Variants in HYDIN observed in about 807,000 individuals in gnomAD.
The protein encoded by HYDIN is HYDIN axonemal central pair apparatus protein, also known as axonemal central pair apparatus protein HYDIN.
HYDIN carries 132 observed loss-of-function variants against 403.9 expected under a neutral mutation model. The observed-to-expected ratio is 0.33, with a 90% CI of 0.28 to 0.38. HYDIN has a LOEUF of 0.38. Among genes scored for constraint, HYDIN ranks in the 10% least tolerant of loss-of-function variants. The pLI is 1.00. For missense variants in HYDIN, 2,827 were observed against 5,009.5 expected (o/e 0.56, Z 13.15); for synonymous variants, 1,202 against 1,891.7 (o/e 0.64, Z 9.46).
At chr16:71,094,024 T>C in intron 10 of HYDIN, 89 bp from the exon 11 acceptor site, 2 of 1,047,772 alleles carry the variant, frequency 1.9e-6, no homozygotes, top group East Asian at 2.5e-5. Context: ...ATATAAATAA[T>C]CAAAATTATT....
chr16:71,153,338 AC>A (rs2144580815), intron 6 of HYDIN, among the ~76,000 whole-genome samples: 1 of 152,204 alleles, frequency 6.6e-6, no homozygotes, highest in South Asian at 2.1e-4. Context: ...GGACAGATGA[AC>A]AGAGGGTCTA....
At chr16:70,843,297 G>GT (rs1299119242) in intron 75 of HYDIN, among the ~76,000 whole-genome samples, 2 of 143,686 alleles carry the variant, frequency 1.4e-5, no homozygotes, top group African/African-American at 5.3e-5. Flanking sequence ...GTGCTGTTTG[G>GT]TTTTTTGTTC....
At chr16:71,000,169 C>T (rs922196185) in intron 23 of HYDIN, among the ~76,000 whole-genome samples, 2 of 152,098 alleles carry the variant, frequency 1.3e-5, no homozygotes, top group African/African-American at 4.8e-5. Flanking sequence ...AACATCACTC[C>T]ATGAACCAAG....
At chr16:71,083,881 AG>A (rs1317285449) in intron 12 of HYDIN, among the ~76,000 whole-genome samples, 8 of 124,834 alleles carry the variant, frequency 6.4e-5, no homozygotes, top group African/African-American at 2.5e-4. Flanking sequence ...ACAGTATTGC[AG>A]TGCTTGTGTC....
intron 17 of HYDIN, 127 bp downstream of exon 17, chr16:71,062,042 A>G (rs2082106479): frequency 8.0e-6 from 6 of 748,982 alleles, no homozygotes; most frequent in Non-Finnish European, 1.1e-5. Flanking sequence ...GAGTAAAAAC[A>G]TAAAACCCTA....
At position 70,837,841 on chromosome 16, in the gene HYDIN, C is replaced by T. The variant is rs200234571; in HGVS notation, c.13091G>A (p.Arg4364His). The change falls in exon 77 of 86, where the codon CGT (arginine) becomes CAT (histidine). Residue 4364 changes from arginine to histidine, a missense_variant. By Grantham distance (29) the Arg-to-His change is conservative. Transcript: ENST00000393567. ...GTTTCCTGGCTTTACCACATCAACA[C>T]GGGAGTTCACCTCGAGGTGAGTGGT... ...TNTTHLEVNS[R>H]VDVVKPGNTL... The T allele has an allele frequency of 3.3e-5, 53 of 1,613,826 alleles. No homozygotes were observed. The highest frequency in any genetic ancestry group is 4.4e-5 in the South Asian group (4 of 91,076).
intron 5 of HYDIN, among the ~76,000 whole-genome samples, chr16:71,165,844 T>C (rs978303150): frequency 4.7e-5 from 7 of 147,948 alleles, no homozygotes; most frequent in African/African-American, 1.8e-4. Flanking sequence ...GGGGGAAGTG[T>C]GATTTGGAAC....
intron 8 of HYDIN, among the ~76,000 whole-genome samples, chr16:71,130,470 G>GTTTT (rs56853905): frequency 3.4e-4 from 26 of 75,828 alleles, no homozygotes; most frequent in Non-Finnish European, 4.4e-4. Context: ...ATATATACCG[G>GTTTT]TTTTTTTTTT....
intron 62 of HYDIN, among the ~76,000 whole-genome samples, chr16:70,876,209 G>A (rs2040440178): frequency 2.0e-5 from 3 of 149,530 alleles, no homozygotes; most frequent in South Asian, 2.1e-4. Context: ...ATTTTGATAC[G>A]GAATCTCACT....
rs368775885 is a variant in HYDIN, at chr16:71,182,977, T to C, written c.261+1888A>G. ...TGAATAAAAGGGTACAAAAAAGAGA[T>C]GCTCACTGTATCAAATGCTATGAGA... On this transcript the variant is annotated intron_variant, in intron 3 of 85. Coordinates refer to ENST00000393567, the MANE Select transcript of HYDIN (RefSeq NM_001270974.2). 5.9e-5 allele frequency among the ~76,000 whole-genome samples: 9 copies of C among 152,220 alleles called. No individual in the cohort carries two copies. In the South Asian group the frequency reaches 1.9e-3, roughly 32 times the overall value.
intron 5 of HYDIN, among the ~76,000 whole-genome samples, chr16:71,170,585 A>G (rs1369819866): frequency 6.6e-6 from 1 of 152,214 alleles, no homozygotes; most frequent in Non-Finnish European, 1.5e-5. Flanking sequence ...CTTTAAAAAA[A>G]AACAAACTTT....
At chr16:70,816,063 T>A (rs2035817451) in intron 84 of HYDIN, among the ~76,000 whole-genome samples, 1 of 152,192 alleles carries the variant, frequency 6.6e-6, no homozygotes, top group South Asian at 2.1e-4. Flanking sequence ...GAGCTGAGAT[T>A]GCGCCACTGC....
At chr16:70,905,632 T>TA (rs10718035) in intron 50 of HYDIN, among the ~76,000 whole-genome samples, 4,353 of 99,476 alleles carry the variant, frequency 0.044, 239 homozygotes, top group Admixed American at 0.2. Flanking sequence ...GACCCTATCT[T>TA]AAAAAAAAAA....
intron 14 of HYDIN, among the ~76,000 whole-genome samples, chr16:71,067,961 C>A (rs187495411): frequency 1.3e-5 from 2 of 152,142 alleles, no homozygotes. Flanking sequence ...CATGGTCAAA[C>A]CATAAACAGA....
At chr16:70,857,038 G>A (rs1270991300) in intron 72 of HYDIN, among the ~76,000 whole-genome samples, 1 of 146,200 alleles carries the variant, frequency 6.8e-6, no homozygotes, top group Non-Finnish European at 1.5e-5. Context: ...GGGGTTATAA[G>A]GGACATGACA....
At chr16:71,019,138 G>A (rs1403116838) in intron 22 of HYDIN, among the ~76,000 whole-genome samples, 1 of 151,166 alleles carries the variant, frequency 6.6e-6, no homozygotes, top group Non-Finnish European at 1.5e-5. Flanking sequence ...CAATCCCTAT[G>A]TGTTCCTTGA....
intron 1 of HYDIN, among the ~76,000 whole-genome samples, chr16:71,197,117 T>G (rs1477125137): frequency 6.6e-6 from 1 of 152,148 alleles, no homozygotes; most frequent in Admixed American, 6.5e-5. Context: ...AAAAACATAT[T>G]GTGGGACTTC....
rs183164278 is a variant in HYDIN at position 70,908,790 on chromosome 16, G to A, written c.8076C>T (p.Phe2692=). The change falls in exon 48 of 86, where the codon TTC becomes TTT. Residue 2692 remains phenylalanine (F), a synonymous_variant. Coordinates refer to ENST00000393567, the MANE Select transcript of HYDIN (RefSeq NM_001270974.2). ...QKMKEKIDQV[F]EIQKDKRHMA... is the part of the protein sequence containing the mutation. Reference sequence around the variant, plus strand: ...TGTGACGCTTGTCTTTCTGAATCTCGAAGACTTGGTCTATCTTTTCTTTCA... The same window carrying A: ...TGTGACGCTTGTCTTTCTGAATCTCAAAGACTTGGTCTATCTTTTCTTTCA... 148 of 1,614,214 alleles carry A rather than the reference G, an allele frequency of 9.2e-5. No homozygotes were observed. Among genetic ancestry groups the A allele is most frequent in the Middle Eastern group, 6.6e-4 (4 of 6,062 alleles).
chr16:70,878,244 C>T (rs1371057500), intron 62 of HYDIN, among the ~76,000 whole-genome samples: 6 of 149,790 alleles, frequency 4.0e-5, no homozygotes, highest in Non-Finnish European at 5.9e-5. Flanking sequence ...ACATGTCTTT[C>T]TCCTCCTTTG....
Sources: gnomAD v4.1 joint callset for allele counts (sites outside exome capture counted in the v4.1 genomes callset) on GRCh38, gnomAD v4.1.1 for gene constraint, MANE v1.5 for transcripts, NCBI Gene and HGNC (gene_info 2026-07-23, HGNC 2026-07-21) for gene names.